The following CSMD1 variants were observed in gnomAD, a reference collection of about 807,000 sequenced individuals.
CSMD1 encodes CUB and sushi domain-containing protein 1.
In CSMD1, 213 loss-of-function variants were observed where a neutral mutation model predicts 417.5. The observed-to-expected ratio is 0.51, with a 90% CI of 0.46 to 0.57. The LOEUF is 0.57. Ranked by LOEUF, CSMD1 falls within the 20% of genes least tolerant of loss-of-function variation. The pLI is 0.00. For synonymous variants in CSMD1, 2,862 were observed against 1,736.8 expected, an observed-to-expected ratio of 1.65 and a Z score of -16.11; for missense variants, 6,923 against 4,529.7, an observed-to-expected ratio of 1.53 and a Z score of -15.17.
At chr8:4,307,890 A>G (rs1798336327) in intron 3 of CSMD1, among the ~76,000 whole-genome samples, 1 of 152,306 alleles carries the variant, frequency 6.6e-6, no homozygotes, top group Non-Finnish European at 1.5e-5. Context: ...AGTAGAGAGG[A>G]GGCAGCAGAG....
chr8:3,938,969 G>C (rs1052709938), intron 5 of CSMD1, among the ~76,000 whole-genome samples: 3 of 152,078 alleles, frequency 2.0e-5, no homozygotes, highest in Non-Finnish European at 4.4e-5. Context: ...TTCATAGGCA[G>C]GGAGTATGAG....
intron 2 of CSMD1, among the ~76,000 whole-genome samples, chr8:4,484,325 T>A (rs1801253514): frequency 6.6e-6 from 1 of 152,194 alleles, no homozygotes. Flanking sequence ...TTATCTGGAT[T>A]TAAAAAATTT....
At chr8:4,624,779 T>C (rs1053825826) in intron 2 of CSMD1, among the ~76,000 whole-genome samples, 2 of 152,116 alleles carry the variant, frequency 1.3e-5, no homozygotes, top group African/African-American at 2.4e-5. Context: ...GTATTCAAGT[T>C]TGTGACCCTA....
rs545186151 is a variant in CSMD1, at chr8:4,213,045, C to T, written c.416-180946G>A. Among the ~76,000 whole-genome samples, 4 of 152,240 alleles carry T rather than the reference C, an allele frequency of 2.6e-5. No individual in the cohort carries two copies. The South Asian group carries it at 8.3e-4, about 32-fold the overall frequency. ...TTAAAACTGAGTTACTAATTTAAGACCCACTCTAAGGTCACTTTGAGCTAA... is the reference window on the plus strand; with the variant it reads ...TTAAAACTGAGTTACTAATTTAAGATCCACTCTAAGGTCACTTTGAGCTAA... On this transcript the variant is annotated intron_variant, in intron 3 of 69. Coordinates refer to ENST00000635120, the MANE Select transcript of CSMD1 (RefSeq NM_033225.6).
intron 2 of CSMD1, among the ~76,000 whole-genome samples, chr8:4,467,486 C>T (rs1800252012): frequency 6.6e-6 from 1 of 152,146 alleles, no homozygotes; most frequent in South Asian, 2.1e-4. Flanking sequence ...CCATGAGTGG[C>T]CAGAGGATAG....
chr8:4,961,303 T>C (rs1809465501), intron 1 of CSMD1, among the ~76,000 whole-genome samples: 1 of 152,150 alleles, frequency 6.6e-6, no homozygotes, highest in Non-Finnish European at 1.5e-5. Context: ...ATCCATCCCA[T>C]TATTCCACCG....
chr8:2,974,928 G>A (rs183782636), intron 55 of CSMD1, among the ~76,000 whole-genome samples: 1 of 152,072 alleles, frequency 6.6e-6, no homozygotes, highest in Non-Finnish European at 1.5e-5. Context: ...TTTTTCCATC[G>A]ACCCTTAACT....
At chr8:4,805,128 C>G (rs1003880292) in intron 1 of CSMD1, among the ~76,000 whole-genome samples, 1 of 152,038 alleles carries the variant, frequency 6.6e-6, no homozygotes, top group African/African-American at 2.4e-5. Flanking sequence ...AGGTATAGAC[C>G]TGATTCTGCA....
At chr8:4,301,968 A>C (rs557864819) in intron 3 of CSMD1, among the ~76,000 whole-genome samples, 1 of 152,326 alleles carries the variant, frequency 6.6e-6, no homozygotes, top group African/African-American at 2.4e-5. Flanking sequence ...TTAGTGCCTC[A>C]AACTAGATCC....
At chr8:3,634,710 T>G (rs1796948026) in intron 7 of CSMD1, among the ~76,000 whole-genome samples, 1 of 139,050 alleles carries the variant, frequency 7.2e-6, no homozygotes. Flanking sequence ...AGAACTGTGC[T>G]GCCTACTCAG....
At chr8:4,544,553 G>A (rs1797551165) in intron 2 of CSMD1, among the ~76,000 whole-genome samples, 1 of 152,048 alleles carries the variant, frequency 6.6e-6, no homozygotes, top group African/African-American at 2.4e-5. Flanking sequence ...TAAGGCTTTA[G>A]AGGACACAGA....
At chr8:3,331,628 G>A (rs931981440) in intron 23 of CSMD1, among the ~76,000 whole-genome samples, 2 of 152,202 alleles carry the variant, frequency 1.3e-5, no homozygotes, top group African/African-American at 2.4e-5. Context: ...AATGTGAATT[G>A]CCTGGCACGT....
At chr8:3,784,531 A>C (rs1399206206) in intron 5 of CSMD1, among the ~76,000 whole-genome samples, 1 of 152,164 alleles carries the variant, frequency 6.6e-6, no homozygotes, top group South Asian at 2.1e-4. Context: ...TTTCTAACAC[A>C]CCAACTGGTC....
intron 49 of CSMD1, among the ~76,000 whole-genome samples, chr8:3,054,776 G>A (rs961947617): frequency 6.6e-6 from 1 of 152,110 alleles, no homozygotes; most frequent in African/African-American, 2.4e-5. Flanking sequence ...GAAGGAAAAC[G>A]AAAAACCACA....
intron 2 of CSMD1, among the ~76,000 whole-genome samples, chr8:4,443,688 C>T (rs1281273678): frequency 6.6e-6 from 1 of 152,176 alleles, no homozygotes; most frequent in Non-Finnish European, 1.5e-5. Flanking sequence ...TTCAATCCTG[C>T]AATTCCCAAC....
intron 23 of CSMD1, among the ~76,000 whole-genome samples, chr8:3,336,233 A>T (rs1807254913): frequency 6.6e-6 from 1 of 152,098 alleles, no homozygotes; most frequent in African/African-American, 2.4e-5. Context: ...GTGAGTTACA[A>T]TACATGCTAA....
intron 2 of CSMD1, among the ~76,000 whole-genome samples, chr8:4,426,167 G>C (rs966658642): frequency 6.6e-6 from 1 of 151,636 alleles, no homozygotes; most frequent in Admixed American, 6.6e-5. Context: ...ACAGAGGCTA[G>C]GTAATCAGGA....
At chr8:3,697,692 A>T (rs1800630569) in intron 7 of CSMD1, among the ~76,000 whole-genome samples, 1 of 152,208 alleles carries the variant, frequency 6.6e-6, no homozygotes, top group South Asian at 2.1e-4. Context: ...AGATTGCCTC[A>T]TCCAATTACA....
intron 7 of CSMD1, among the ~76,000 whole-genome samples, chr8:3,703,426 C>A (rs1478026704): frequency 7.1e-6 from 1 of 141,436 alleles, no homozygotes; most frequent in Admixed American, 7.4e-5. Context: ...ACAGAGATTC[C>A]TTTCTCCCTT....
Sources: allele counts gnomAD v4.1 joint callset (sites outside exome capture counted in the v4.1 genomes callset), GRCh38; gene constraint gnomAD v4.1.1; transcripts MANE v1.5; gene names NCBI Gene and HGNC (gene_info 2026-07-23, HGNC 2026-07-21).